Variants in MCF2 observed in about 807,000 individuals in gnomAD.
MCF2 encodes the protein MCF.2 cell line derived transforming sequence.
Under a neutral mutation model 82.5 loss-of-function variants are expected in MCF2, and 44 were observed. The observed-to-expected ratio is 0.53, with a 90% CI of 0.42 to 0.69. The LOEUF (loss-of-function observed/expected upper bound fraction) is 0.69. Among genes scored for constraint, MCF2 ranks in the 30% least tolerant of loss-of-function variants. The pLI, the probability that MCF2 is intolerant of heterozygous loss-of-function variation, is 0.00. For synonymous variants in MCF2, 217 were observed against 224.9 expected (o/e 0.96, Z 0.32); for missense variants, 623 against 663.1 (o/e 0.94, Z 0.66).
chrX:139,645,143 T>G (rs1402376537), upstream of MCF2, among the ~76,000 whole-genome samples: 2 of 111,298 alleles, frequency 1.8e-5, no homozygotes, highest in Admixed American at 9.6e-5. Context: ...TAGAAAGTTG[T>G]ACACTGAAAT....
chrX:139,651,670 C>G, intron 2 of MCF2, 50 bp downstream of exon 2: 2 of 784,525 alleles, frequency 2.5e-6, no homozygotes, highest in Non-Finnish European at 3.7e-6. Flanking sequence ...AAACTAACTG[C>G]TAATCAAGTC....
chrX:139,619,997 TTGTG>T (rs57662065), intron 6 of MCF2, among the ~76,000 whole-genome samples: 6,490 of 93,287 alleles, frequency 0.07, 346 homozygotes, highest in African/African-American at 0.17. Context: ...ATATATACAT[TTGTG>T]TGTGTGTGTG....
At position 139,635,752 on chromosome X, in the gene MCF2, G is replaced by T. The variant is rs138873934; in HGVS notation, c.52-3298C>A. Among the ~76,000 whole-genome samples, 193 of 111,463 alleles carry T rather than the reference G, an allele frequency of 1.7e-3. 1 individual carries two copies. The highest frequency in any genetic ancestry group is 6.1e-3 in the African/African-American group (186 of 30,695). Reference sequence around the variant, plus strand: ...TAAAATTTTTATTTTAGGTTTGGGGGTATATGCAAAGGTTACAGAGACAAA... The same window carrying T: ...TAAAATTTTTATTTTAGGTTTGGGGTTATATGCAAAGGTTACAGAGACAAA... On this transcript the variant is annotated intron_variant, in intron 1 of 24. Coordinates refer to ENST00000370576, the Ensembl canonical transcript of MCF2.
At chrX:139,638,231 C>T (rs1490545885) in intron 1 of MCF2, among the ~76,000 whole-genome samples, 1 of 111,655 alleles carries the variant, frequency 9.0e-6, no homozygotes, top group African/African-American at 3.3e-5. Context: ...TAAAACCCCG[C>T]TTCACCTGCC....
At chrX:139,676,317 C>T (rs1344188618) in intron 1 of MCF2, among the ~76,000 whole-genome samples, 9 of 111,909 alleles carry the variant, frequency 8.0e-5, no homozygotes, top group African/African-American at 2.9e-4. Context: ...AGTTCACCCT[C>T]CATGCGCTGC....
chrX:139,597,593 TA>T lies in MCF2; in HGVS notation c.1930-9del. Reference sequence around the variant, plus strand: ...GCTATATTTTAATAGCTCCTGTAATTAGAAATCAGGAATTAATATTAGGCAG... The same window carrying T: ...GCTATATTTTAATAGCTCCTGTAATTGAAATCAGGAATTAATATTAGGCAG... On this transcript the variant is annotated splice_polypyrimidine_tract_variant and intron_variant, in intron 17 of 24. Transcript: ENST00000370576. 8.8e-7 allele frequency: 1 copy of T among 1,136,880 alleles called. No individual in the cohort carries two copies. Among genetic ancestry groups the T allele is most frequent in the East Asian group, 3.2e-5 (1 of 31,407 alleles). The allele number at this position is 1,136,880 out of a possible 1,213,427, so 93.7% of individuals were successfully genotyped here. A position where few individuals can be genotyped will look rare whatever the true frequency, so the allele number is the denominator to read the frequency against.
At chrX:139,656,188 A>G (rs1186403135) in intron 1 of MCF2, among the ~76,000 whole-genome samples, 1 of 111,660 alleles carries the variant, frequency 9.0e-6, no homozygotes, top group African/African-American at 3.3e-5. Context: ...CAGCCTCCCG[A>G]GTAGCTGGGA....
At chrX:139,633,636 A>T (rs1214600166) in intron 1 of MCF2, among the ~76,000 whole-genome samples, 1 of 111,228 alleles carries the variant, frequency 9.0e-6, no homozygotes. Context: ...GGCCAGAACC[A>T]CATCAGAAAG....
At chrX:139,675,605 T>A (rs372549807) in intron 1 of MCF2, among the ~76,000 whole-genome samples, 6 of 112,522 alleles carry the variant, frequency 5.3e-5, no homozygotes, top group African/African-American at 1.9e-4. Context: ...CACTCCAGAC[T>A]CTGTTTGCCT....
intron 8 of MCF2, 52 bp downstream of exon 11, chrX:139,617,461 G>A: frequency 9.7e-7 from 1 of 1,026,760 alleles, no homozygotes; most frequent in Non-Finnish European, 1.3e-6. Flanking sequence ...AGCAGGACCT[G>A]GAAAAAAATG....
At chrX:139,645,168 A>C (rs1261246096), upstream of MCF2, among the ~76,000 whole-genome samples, 1 of 111,017 alleles carries the variant, frequency 9.0e-6, no homozygotes, top group Non-Finnish European at 1.9e-5. Flanking sequence ...AAAACTGCTT[A>C]TTTTGGGGTG....
intron 1 of MCF2, among the ~76,000 whole-genome samples, chrX:139,638,383 A>G (rs887672937): frequency 1.8e-5 from 2 of 111,501 alleles, no homozygotes; most frequent in African/African-American, 6.5e-5. Context: ...TTAGGGAGAT[A>G]ATGTAAATGT....
chrX:139,617,242 T>C (rs1321064719), intron 8 of MCF2, among the ~76,000 whole-genome samples: 1 of 111,429 alleles, frequency 9.0e-6, no homozygotes, highest in Admixed American at 9.6e-5. Flanking sequence ...TACTCCACAA[T>C]CTCAATATTT....
chrX:139,692,479 C>A, intron 1 of MCF2, among the ~76,000 whole-genome samples: 1 of 111,880 alleles, frequency 8.9e-6, no homozygotes, highest in Non-Finnish European at 1.9e-5. Flanking sequence ...CGCACACCCA[C>A]GCCCCCGCTT....
intron 10 of MCF2, among the ~76,000 whole-genome samples, chrX:139,613,699 T>A (rs186407126): frequency 5.4e-5 from 6 of 111,267 alleles, no homozygotes; most frequent in Admixed American, 9.6e-5. Context: ...TATCAACCTA[T>A]TTCAGTTTTA....
Position 139,594,261 on chromosome X carries a change from C to T in MCF2, c.2277+2288G>A, listed in dbSNP as rs1191158020. Reference sequence around the variant, plus strand: ...ATATGGAACCAAAAAAGAGCCCGCACCGCCAAGTCAATCCTAAGCCAAAAG... The same window carrying T: ...ATATGGAACCAAAAAAGAGCCCGCATCGCCAAGTCAATCCTAAGCCAAAAG... On this transcript the variant is annotated intron_variant, in intron 19 of 24. Transcript: ENST00000370576. Among the ~76,000 whole-genome samples the T allele has an allele frequency of 1.6e-3, 172 of 109,956 alleles. 2 individuals are homozygous for T. Among genetic ancestry groups the T allele is most frequent in the African/African-American group, 5.4e-3 (163 of 30,215 alleles).
At chrX:139,643,479 A>G (rs1193358518), upstream of MCF2, among the ~76,000 whole-genome samples, 1 of 111,908 alleles carries the variant, frequency 8.9e-6, no homozygotes, top group African/African-American at 3.2e-5. Flanking sequence ...GCTCTTGAGT[A>G]TGAGTATAGA....
chrX:139,608,321 G>A (rs1045694949), intron 11 of MCF2, among the ~76,000 whole-genome samples: 9 of 110,710 alleles, frequency 8.1e-5, no homozygotes, highest in Non-Finnish European at 1.7e-4. Context: ...GATACCTGCA[G>A]AACTCTATTC....
In MCF2 at chrX:139,593,068, T is replaced by C. The variant is rs1439380674; in HGVS notation, c.2278-3141A>G. The stretch of plus-strand genomic sequence containing the variant: ...ATAGTGGTTGGGGAATTAAGGACAA[T>C]CGTTTTCTCTATTTTTGAAATTTTT... On this transcript the variant is annotated intron_variant, in intron 19 of 24. Coordinates refer to ENST00000370576, the Ensembl canonical transcript of MCF2. Among the ~76,000 whole-genome samples, 9 of 112,021 alleles carry C rather than the reference T, an allele frequency of 8.0e-5. No homozygotes were observed. The Admixed American group carries it at 8.5e-4, about 11-fold the overall frequency.
Sources: gnomAD v4.1 joint callset for allele counts (sites outside exome capture counted in the v4.1 genomes callset) on GRCh38, gnomAD v4.1.1 for gene constraint, MANE v1.5 for transcripts, NCBI Gene and HGNC (gene_info 2026-07-23, HGNC 2026-07-21) for gene names.